TRIM5: variants seen among roughly 807,000 people sequenced by gnomAD.
The protein encoded by TRIM5 is tripartite motif containing 5.
In TRIM5, 31 loss-of-function variants were observed where a neutral mutation model predicts 35.6. That is an observed-to-expected ratio of 0.87 (90% CI 0.65 to 1.18). TRIM5 has a LOEUF of 1.18. Ranked by LOEUF, TRIM5 falls within the 50% of genes most tolerant of loss-of-function variation. The pLI is 0.00. For missense variants in TRIM5, 609 were observed against 591.6 expected, an observed-to-expected ratio of 1.03 and a Z score of -0.31; for synonymous variants, 243 against 215.6, an observed-to-expected ratio of 1.13 and a Z score of -1.11.
At chr11:5,608,491 A>C in the TRIM5 span, 5 of 1,562,772 alleles carry the variant, frequency 3.2e-6, no homozygotes, top group Non-Finnish European at 4.4e-6. Context: ...AGAGTGGGGA[A>C]GATTCAAGAG....
the TRIM5 span, among the ~76,000 whole-genome samples, chr11:5,650,226 T>C: frequency 6.6e-6 from 1 of 152,226 alleles, no homozygotes; most frequent in Non-Finnish European, 1.5e-5. Flanking sequence ...ATGTAGTCAA[T>C]GTGCAACTAA....
At chr11:5,595,215 G>C in the TRIM5 span, 1 of 152,192 alleles carries the variant, frequency 6.6e-6, no homozygotes, top group Non-Finnish European at 1.5e-5. Flanking sequence ...CACCTTCTAA[G>C]GCAAGGTGAT....
At chr11:5,604,727 GC>G in the TRIM5 span, 2 of 1,293,582 alleles carry the variant, frequency 1.5e-6, no homozygotes, top group Non-Finnish European at 2.1e-6. Flanking sequence ...GTCCTCTGAT[GC>G]CATGACTAGA....
chr11:5,589,655 A>C, the TRIM5 span: 1 of 151,962 alleles, frequency 6.6e-6, no homozygotes, highest in South Asian at 2.1e-4. Context: ...TCAGGCTAAA[A>C]CAAAAAAGAC....
chr11:5,598,517 G>A, the TRIM5 span, among the ~76,000 whole-genome samples: 48 of 152,208 alleles, frequency 3.2e-4, no homozygotes, highest in African/African-American at 1.0e-3. Flanking sequence ...TTAAAAATAA[G>A]CGGGTGAAAT....
At chr11:5,643,966 AT>A in the TRIM5 span, 1 of 509,478 alleles carries the variant, frequency 2.0e-6, no homozygotes, top group Non-Finnish European at 3.3e-6. Context: ...TTGCCTTCCC[AT>A]TTATCCATGT....
At chr11:5,632,844 T>C in the TRIM5 span, 1 of 1,185,304 alleles carries the variant, frequency 8.4e-7, no homozygotes, top group Non-Finnish European at 1.1e-6. Flanking sequence ...TTTTTTTTTT[T>C]GAGACAGAGT....
intron 5 of TRIM5, among the ~76,000 whole-genome samples, chr11:5,666,845 A>T (rs551640132): frequency 6.6e-6 from 1 of 152,360 alleles, no homozygotes; most frequent in East Asian, 1.9e-4. Flanking sequence ...ACCACATATT[A>T]TCCAGAATAT....
chr11:5,596,609 C>T, the TRIM5 span: 1 of 262,388 alleles, frequency 3.8e-6, no homozygotes, highest in Non-Finnish European at 7.2e-6. Flanking sequence ...ACCGTTTATC[C>T]CCCACCCCAG....
At chr11:5,613,183 A>G in the TRIM5 span, among the ~76,000 whole-genome samples, 1 of 152,216 alleles carries the variant, frequency 6.6e-6, no homozygotes, top group Non-Finnish European at 1.5e-5. Flanking sequence ...AGGCATTTTT[A>G]TGGAAGGTAA....
chr11:5,592,529 G>T, the TRIM5 span, among the ~76,000 whole-genome samples: 2 of 152,090 alleles, frequency 1.3e-5, no homozygotes, highest in African/African-American at 4.8e-5. Flanking sequence ...TAAATACCGT[G>T]CTATATGACA....
At chr11:5,598,492 A>T in the TRIM5 span, among the ~76,000 whole-genome samples, 1 of 152,214 alleles carries the variant, frequency 6.6e-6, no homozygotes, top group African/African-American at 2.4e-5. Flanking sequence ...AATGTTACAT[A>T]CTCAAGTAGC....
rs111444121 is a variant in TRIM5 at position 5,669,546 on chromosome 11, C to T, written c.745-1835G>A. ...AGAACAAAGCCAATAGCTGGATCTA[C>T]ACATACAATCAAATAGTTTTGCTTT... On this transcript the variant is annotated intron_variant, in intron 4 of 7. Coordinates refer to ENST00000380034, the MANE Select transcript of TRIM5 (RefSeq NM_033034.3). 3.9e-3 allele frequency among the ~76,000 whole-genome samples: 598 copies of T among 152,304 alleles called. 5 individuals are homozygous for T. Among genetic ancestry groups the T allele is most frequent in the African/African-American group, 0.014 (581 of 41,554 alleles).
chr11:5,632,970 G>T, the TRIM5 span, among the ~76,000 whole-genome samples: 2 of 148,462 alleles, frequency 1.3e-5, no homozygotes, highest in Non-Finnish European at 3.0e-5. Context: ...CGGATTACAG[G>T]CGCCTGCCAC....
At chr11:5,603,564 A>C in the TRIM5 span, 1 of 1,613,812 alleles carries the variant, frequency 6.2e-7, no homozygotes, top group Non-Finnish European at 8.5e-7. Flanking sequence ...TCAGAGAGGT[A>C]GTGTTGGGCC....
chr11:5,591,556 G>C, the TRIM5 span, among the ~76,000 whole-genome samples: 1 of 152,166 alleles, frequency 6.6e-6, no homozygotes, highest in African/African-American at 2.4e-5. Flanking sequence ...GCTGAGGCAG[G>C]AGAATCGCTT....
At chr11:5,632,737 G>A in the TRIM5 span, 11 of 1,569,088 alleles carry the variant, frequency 7.0e-6, no homozygotes, top group Non-Finnish European at 8.7e-6. Flanking sequence ...CACGGAGGAA[G>A]TATTCAAGGA....
chr11:5,596,497 TC>T, the TRIM5 span, among the ~76,000 whole-genome samples: 137 of 98,030 alleles, frequency 1.4e-3, 1 homozygote, highest in African/African-American at 4.8e-3. Context: ...CAGCATCCCT[TC>T]CCCCCTTCCC....
chr11:5,655,263 G>A, the TRIM5 span, among the ~76,000 whole-genome samples: 7 of 151,784 alleles, frequency 4.6e-5, no homozygotes, highest in Admixed American at 3.3e-4. Flanking sequence ...AGAGCTGGGT[G>A]GGAACAATAT....
Sources: gnomAD v4.1 joint callset for allele counts (sites outside exome capture counted in the v4.1 genomes callset) on GRCh38, gnomAD v4.1.1 for gene constraint, MANE v1.5 for transcripts, NCBI Gene and HGNC (gene_info 2026-07-23, HGNC 2026-07-21) for gene names.